The following KCTD7 variants were observed in gnomAD, a reference collection of about 807,000 sequenced individuals.
KCTD7 encodes the protein BTB/POZ domain-containing protein KCTD7.
Under a neutral mutation model 27.0 loss-of-function variants are expected in KCTD7, and 15 were observed. The ratio of observed to expected loss-of-function variants is 0.56; its 90% confidence interval spans 0.37 to 0.86. The LOEUF (loss-of-function observed/expected upper bound fraction) is 0.86, where lower values mean the gene tolerates loss of function less well. Among genes scored for constraint, KCTD7 ranks in the 40% least tolerant of loss-of-function variants. KCTD7 has a pLI of 0.00. For missense variants in KCTD7, 299 were observed against 398.9 expected, an observed-to-expected ratio of 0.75 and a Z score of 2.13; for synonymous variants, 159 against 162.7, an observed-to-expected ratio of 0.98 and a Z score of 0.17.
chr7:66,639,329 A>G lies in KCTD7; in HGVS notation c.*97A>G. 1 of 1,590,526 alleles carries G rather than the reference A, an allele frequency of 6.3e-7. No individual in the cohort carries two copies. Among genetic ancestry groups the G allele is most frequent in the Non-Finnish European group, 8.5e-7 (1 of 1,175,790 alleles). On this transcript the variant is annotated 3_prime_UTR_variant, in exon 4 of 4. Coordinates refer to ENST00000639828, the MANE Select transcript of KCTD7 (RefSeq NM_153033.5). ...CTGAAGGGGCTGCTGACTGCCCCAG[A>G]ATCTGCCGAGGTGAGAACAGCATCC...
intron 2 of KCTD7, among the ~76,000 whole-genome samples, chr7:66,635,393 A>G (rs1038447708): frequency 6.6e-6 from 1 of 152,216 alleles, no homozygotes; most frequent in South Asian, 2.1e-4. Context: ...ACATGTAAAC[A>G]ATTTAAAGAC....
At chr7:66,643,084 C>T, downstream of KCTD7, 2 of 985,386 alleles carry the variant, frequency 2.0e-6, no homozygotes, top group South Asian at 4.7e-5. Flanking sequence ...GAGATGTGCT[C>T]TCATCTCTTC....
rs1786708449 is a variant in KCTD7, at chr7:66,641,268, C to G, written c.*2036C>G. On this transcript the variant is annotated 3_prime_UTR_variant, in exon 4 of 4. Coordinates refer to ENST00000639828, the MANE Select transcript of KCTD7 (RefSeq NM_153033.5). ...AGAAAAGGCTTTCATTTTGGTTCTT[C>G]TGATTGGTGTTACCTACTGCCTAAT... is the stretch of plus-strand genomic sequence containing the variant. 7.1e-6 allele frequency: 7 copies of G among 985,340 alleles called. No individual in the cohort carries two copies. The highest frequency in any genetic ancestry group is 8.4e-6 in the Non-Finnish European group (7 of 829,924). The allele number at this position is 985,340 out of a possible 1,614,324, so 61.0% of individuals were successfully genotyped here.
Position 66,639,397 on chromosome 7 carries a change from C to T in KCTD7, c.*165C>T, listed in dbSNP as rs1252109451. Reference sequence around the variant, plus strand: ...GGGACAGAGGTGTAGCTCCAATCTCCCTGACTGCACCTCAGGGTTGGGCTC... The same window carrying T: ...GGGACAGAGGTGTAGCTCCAATCTCTCTGACTGCACCTCAGGGTTGGGCTC... On this transcript the variant is annotated 3_prime_UTR_variant, in exon 4 of 4. Coordinates refer to ENST00000639828, the MANE Select transcript of KCTD7 (RefSeq NM_153033.5). 3 of 1,508,310 alleles carry T rather than the reference C, an allele frequency of 2.0e-6. No homozygotes were observed. The highest frequency in any genetic ancestry group is 2.5e-5 in the East Asian group (1 of 40,698). The allele number at this position is 1,508,310 out of a possible 1,614,324, so 93.4% of individuals were successfully genotyped here.
chr7:66,639,369 C>A lies in KCTD7; in HGVS notation c.*137C>A. 1 of 1,548,866 alleles carries A rather than the reference C, an allele frequency of 6.5e-7. No individual in the cohort carries two copies. The highest frequency in any genetic ancestry group is 2.4e-5 in the East Asian group (1 of 41,922). On this transcript the variant is annotated 3_prime_UTR_variant, in exon 4 of 4. Coordinates refer to ENST00000639828, the MANE Select transcript of KCTD7 (RefSeq NM_153033.5). ...GAACAGCATCCTGAGGCACAGCTCC[C>A]AGGGGACAGAGGTGTAGCTCCAATC...
At chr7:66,633,521 T>G (rs1786505225) in intron 2 of KCTD7, 77 bp downstream of exon 2, 1 of 1,298,402 alleles carries the variant, frequency 7.7e-7, no homozygotes, top group African/African-American at 1.5e-5. Flanking sequence ...GACCTTGATA[T>G]CTTCCATAGT....
At chr7:66,635,332 T>C (rs1441194853) in intron 2 of KCTD7, among the ~76,000 whole-genome samples, 1 of 152,138 alleles carries the variant, frequency 6.6e-6, no homozygotes, top group African/African-American at 2.4e-5. Context: ...AGACTCTGTG[T>C]CTTAAAAAAG....
chr7:66,635,974 G>A (rs1257893099), intron 2 of KCTD7, among the ~76,000 whole-genome samples: 1 of 152,178 alleles, frequency 6.6e-6, no homozygotes, highest in Non-Finnish European at 1.5e-5. Flanking sequence ...TGAGGTGGAT[G>A]TGCCCATGCT....
chr7:66,633,182 G>T, intron 1 of KCTD7, 93 bp from the exon 2 acceptor site: 2 of 1,286,824 alleles, frequency 1.6e-6, no homozygotes. Context: ...AATGAATGGT[G>T]TGGCACCAAT....
rs367591875 is a variant in KCTD7 at position 66,639,223 on chromosome 7, A to G, written c.861A>G (p.Thr287=). Residue 287 remains threonine, a synonymous_variant, in exon 4 of 4, where the codon ACA becomes ACG. Coordinates refer to ENST00000639828, the MANE Select transcript of KCTD7 (RefSeq NM_153033.5). ...GCCCCATCTATGAGTTCAAGATCAC[A>G]TGGTGGTGAGTAGCCCCGGTAGGCG... ...CKRPIYEFKI[T]WW 4.3e-6 allele frequency: 7 copies of G among 1,612,146 alleles called. No homozygotes were observed. The highest frequency in any genetic ancestry group is 2.2e-5 in the South Asian group (2 of 91,088).
intron 1 of KCTD7, among the ~76,000 whole-genome samples, chr7:66,629,470 C>T (rs933703243): frequency 6.6e-6 from 1 of 151,252 alleles, no homozygotes; most frequent in African/African-American, 2.4e-5. Context: ...GGGTGATTTA[C>T]TCCCATCGCC....
In KCTD7 at chr7:66,641,345, C is replaced by G; in HGVS notation, c.*2113C>G. 1 of 985,368 alleles carries G rather than the reference C, an allele frequency of 1.0e-6. No individual in the cohort carries two copies. The highest frequency in any genetic ancestry group is 1.2e-6 in the Non-Finnish European group (1 of 829,926). 61.0% of individuals were successfully genotyped at this position (985,368 alleles called of 1,614,324 possible). ...AGACTATTGAAAAAGTCTGTGTGAA[C>G]AGAGAGCAGTTCATTAAGCCCATTG... On this transcript the variant is annotated 3_prime_UTR_variant, in exon 4 of 4. Transcript: ENST00000639828.
In KCTD7 at chr7:66,633,410, C is replaced by T. The variant is rs387907260; in HGVS notation, c.280C>T (p.Arg94Trp). ...RHYIPTDSEG[R>W]YFIDRDGTHF... ...CTACATCCCCACGGACTCCGAGGGC[C>T]GGTACTTCATCGACCGAGATGGCAC... The change falls in exon 2 of 4, where the codon CGG (arginine) becomes TGG (tryptophan). Residue 94 changes from arginine (R) to tryptophan (W), a missense_variant. By Grantham distance (101) the Arg-to-Trp change is moderately radical. Transcript: ENST00000639828. 15 of 1,613,940 alleles carry T rather than the reference C, an allele frequency of 9.3e-6. No homozygotes were observed. The highest frequency in any genetic ancestry group is 6.7e-5 in the African/African-American group (5 of 74,870).
chr7:66,628,914 C>T lies in KCTD7; in HGVS notation c.-151C>T. 1 of 715,918 alleles carries T rather than the reference C, an allele frequency of 1.4e-6. No homozygotes were observed. The highest frequency in any genetic ancestry group is 2.0e-6 in the Non-Finnish European group (1 of 500,856). 44.3% of individuals were successfully genotyped at this position (715,918 alleles called of 1,614,324 possible). ...GCGAGCGGGTCGGCGTTGAGGGAGCCACCGCCCTCCCGCCTGCGCACTGCC... is the reference window on the plus strand; with the variant it reads ...GCGAGCGGGTCGGCGTTGAGGGAGCTACCGCCCTCCCGCCTGCGCACTGCC... On this transcript the variant is annotated 5_prime_UTR_variant, in exon 1 of 4. Coordinates refer to ENST00000639828, the MANE Select transcript of KCTD7 (RefSeq NM_153033.5).
chr7:66,632,614 C>T (rs1160345652), intron 1 of KCTD7, among the ~76,000 whole-genome samples: 1 of 151,860 alleles, frequency 6.6e-6, no homozygotes, highest in Non-Finnish European at 1.5e-5. Context: ...AAGAAGGAGA[C>T]TGGTAAGAGC....
Position 66,638,895 on chromosome 7 carries a change from C to T in KCTD7, c.533C>T (p.Ala178Val), listed in dbSNP as rs368001837. 1.2e-5 allele frequency: 20 copies of T among 1,613,918 alleles called. No individual in the cohort carries two copies. The highest frequency in any genetic ancestry group is 5.3e-5 in the African/African-American group (4 of 74,890). The change falls in exon 4 of 4, where the codon GCG becomes GTG. Residue 178 changes from alanine to valine, a missense_variant. Physicochemically the swap from Ala to Val is moderately conservative, Grantham distance 64. Coordinates refer to ENST00000639828, the MANE Select transcript of KCTD7 (RefSeq NM_153033.5). ...ERIVEIARLR[A>V]VQRKARFAKL... ...ATTGTGGAGATCGCCCGGCTGCGTG[C>T]GGTCCAGCGGAAGGCCCGCTTTGCC...
rs773812681 is a variant in KCTD7 at position 66,640,377 on chromosome 7, T to C, written c.*1145T>C. On this transcript the variant is annotated 3_prime_UTR_variant, in exon 4 of 4. Coordinates refer to ENST00000639828, the MANE Select transcript of KCTD7 (RefSeq NM_153033.5). Reference sequence around the variant, plus strand: ...CTCACTCCTGTATATTTTGGTTTACTTACTCCTCTATTTCAGAAATTGAAA... The same window carrying C: ...CTCACTCCTGTATATTTTGGTTTACCTACTCCTCTATTTCAGAAATTGAAA... The C allele has an allele frequency of 4.2e-4, 648 of 1,537,160 alleles. No individual in the cohort carries two copies. The highest frequency in any genetic ancestry group is 7.1e-4 in the Admixed American group (36 of 50,974).
At position 66,639,289 on chromosome 7, in the gene KCTD7, C is replaced by G; in HGVS notation, c.*57C>G. 1.2e-6 allele frequency: 2 copies of G among 1,600,306 alleles called. No individual in the cohort carries two copies. Among genetic ancestry groups the G allele is most frequent in the Non-Finnish European group, 1.7e-6 (2 of 1,179,860 alleles). On this transcript the variant is annotated 3_prime_UTR_variant, in exon 4 of 4. Transcript: ENST00000639828. Reference sequence around the variant, plus strand: ...AGGATGTCCACCTTGCTTGGTGGCTCTGGGAGTAAGATCCCTGAAGGGGCT... The same window carrying G: ...AGGATGTCCACCTTGCTTGGTGGCTGTGGGAGTAAGATCCCTGAAGGGGCT...
Position 66,629,111 on chromosome 7 carries a change from G to A in KCTD7, c.47G>A (p.Gly16Asp). Residue 16 changes from glycine to aspartate, a missense_variant, in exon 1 of 4, where the codon GGT (glycine) becomes GAT (aspartate). Gly to Asp is a moderately conservative substitution (Grantham distance 94). Transcript: ENST00000639828. ...GREPDSRRQD[G>D]AMSSSDAEDD... ...GAGCCAGACAGCCGTCGTCAGGACGGTGCCATGTCCAGCTCTGACGCCGAA... is the reference window on the plus strand; with the variant it reads ...GAGCCAGACAGCCGTCGTCAGGACGATGCCATGTCCAGCTCTGACGCCGAA... 1 of 1,543,600 alleles carries A rather than the reference G, an allele frequency of 6.5e-7. No homozygotes were observed. The highest frequency in any genetic ancestry group is 2.0e-5 in the Admixed American group (1 of 50,870).
Sources: allele counts gnomAD v4.1 joint callset (sites outside exome capture counted in the v4.1 genomes callset), GRCh38; gene constraint gnomAD v4.1.1; transcripts MANE v1.5; gene names NCBI Gene and HGNC (gene_info 2026-07-23, HGNC 2026-07-21).